The following MDGA2 variants were observed in gnomAD, a reference collection of about 807,000 sequenced individuals.
MDGA2 encodes MAM domain containing glycosylphosphatidylinositol anchor 2, also known as MAM domain-containing glycosylphosphatidylinositol anchor protein 2.
MDGA2 carries 40 observed loss-of-function variants against 117.8 expected under a neutral mutation model. That is an observed-to-expected ratio of 0.34 (90% CI 0.26 to 0.44). MDGA2 has a LOEUF of 0.44. Among genes scored for constraint, MDGA2 ranks in the 20% least tolerant of loss-of-function variants. The probability of loss-of-function intolerance (pLI) is 1.00; values close to 1 mark genes in which losing one functional copy is unlikely to be tolerated. For missense variants in MDGA2, 1,123 were observed against 1,250.6 expected, an observed-to-expected ratio of 0.90 and a Z score of 1.54; for synonymous variants, 452 against 439.0, an observed-to-expected ratio of 1.03 and a Z score of -0.37.
chr14:47,120,395 A>G (rs981306013), intron 5 of MDGA2, among the ~76,000 whole-genome samples: 1 of 152,220 alleles, frequency 6.6e-6, no homozygotes, highest in African/African-American at 2.4e-5. Context: ...TTGAAAATGC[A>G]ATCCATAAAT....
At chr14:47,021,114 C>CACA (rs1888270623) in intron 8 of MDGA2, among the ~76,000 whole-genome samples, 2 of 152,058 alleles carry the variant, frequency 1.3e-5, no homozygotes, top group Non-Finnish European at 2.9e-5. Context: ...GTCAATTTAT[C>CACA]AAGCATTGTG....
intron 14 of MDGA2, among the ~76,000 whole-genome samples, chr14:46,872,337 C>A (rs948838187): frequency 6.6e-6 from 1 of 151,810 alleles, no homozygotes; most frequent in Non-Finnish European, 1.5e-5. Flanking sequence ...ATTTTACTTC[C>A]TTATTACCAG....
chr14:47,214,783 A>G (rs1886023097), intron 3 of MDGA2, among the ~76,000 whole-genome samples: 1 of 152,090 alleles, frequency 6.6e-6, no homozygotes, highest in African/African-American at 2.4e-5. Context: ...AAAGGTAGAA[A>G]CTTGTAGAAC....
chr14:47,193,548 G>A (rs1397108081), intron 3 of MDGA2, among the ~76,000 whole-genome samples: 1 of 152,110 alleles, frequency 6.6e-6, no homozygotes, highest in Non-Finnish European at 1.5e-5. Flanking sequence ...ATGTATATAA[G>A]TTAAGATGGG....
intron 1 of MDGA2, among the ~76,000 whole-genome samples, chr14:47,537,555 A>G (rs1331902529): frequency 8.4e-6 from 1 of 118,784 alleles, no homozygotes; most frequent in Non-Finnish European, 1.6e-5. Context: ...GCTATTATCC[A>G]CTGTTACCTT....
intron 3 of MDGA2, among the ~76,000 whole-genome samples, chr14:47,200,126 T>C (rs1448362080): frequency 6.6e-6 from 1 of 152,026 alleles, no homozygotes; most frequent in Non-Finnish European, 1.5e-5. Context: ...ACTTGTATGT[T>C]GTATATATGT....
intron 1 of MDGA2, among the ~76,000 whole-genome samples, chr14:47,440,103 C>T (rs975408869): frequency 2.0e-5 from 3 of 152,068 alleles, no homozygotes; most frequent in Non-Finnish European, 4.4e-5. Context: ...CTGCTCCATC[C>T]ATACCTCTAG....
intron 2 of MDGA2, among the ~76,000 whole-genome samples, chr14:47,239,800 A>C (rs1886980099): frequency 6.6e-6 from 1 of 151,914 alleles, no homozygotes; most frequent in South Asian, 2.1e-4. Context: ...TTTCCTCCAC[A>C]TACACAAATG....
At chr14:47,452,152 T>C (rs1439214659) in intron 1 of MDGA2, among the ~76,000 whole-genome samples, 2 of 152,034 alleles carry the variant, frequency 1.3e-5, no homozygotes, top group South Asian at 2.1e-4. Flanking sequence ...CACACATGTA[T>C]AGGCAGGTCA....
At chr14:47,090,329 C>T (rs1181661694) in intron 6 of MDGA2, among the ~76,000 whole-genome samples, 1 of 151,784 alleles carries the variant, frequency 6.6e-6, no homozygotes, top group African/African-American at 2.4e-5. Flanking sequence ...AACTCTATTT[C>T]AATATTGACA....
At chr14:47,168,753 A>G (rs1333276528) in intron 3 of MDGA2, among the ~76,000 whole-genome samples, 1 of 151,988 alleles carries the variant, frequency 6.6e-6, no homozygotes, top group African/African-American at 2.4e-5. Context: ...AATTACATTT[A>G]TATGTTAAAT....
chr14:47,514,736 A>C (rs1894716573), intron 1 of MDGA2, among the ~76,000 whole-genome samples: 1 of 151,990 alleles, frequency 6.6e-6, no homozygotes, highest in Admixed American at 6.6e-5. Flanking sequence ...CCCTTATTTT[A>C]TCCCTCCTCT....
intron 3 of MDGA2, among the ~76,000 whole-genome samples, chr14:47,205,334 A>G (rs1885645848): frequency 6.6e-6 from 1 of 151,912 alleles, no homozygotes; most frequent in Non-Finnish European, 1.5e-5. Context: ...TTATGATCTT[A>G]TGTCTATTCT....
chr14:47,178,136 TA>T (rs142686847), intron 3 of MDGA2, among the ~76,000 whole-genome samples: 14 of 151,302 alleles, frequency 9.3e-5, no homozygotes, highest in South Asian at 6.3e-4. Flanking sequence ...TCCATTTTGA[TA>T]AAAAAAAAGT....
chr14:47,507,881 A>G (rs1894548764), intron 1 of MDGA2, among the ~76,000 whole-genome samples: 1 of 152,116 alleles, frequency 6.6e-6, no homozygotes, highest in Non-Finnish European at 1.5e-5. Flanking sequence ...GCAACACAGA[A>G]TCTGAGAACT....
chr14:47,036,595 A>G (rs555594286), intron 7 of MDGA2, among the ~76,000 whole-genome samples: 1 of 152,274 alleles, frequency 6.6e-6, no homozygotes, highest in Non-Finnish European at 1.5e-5. Flanking sequence ...ACGAATAACC[A>G]GAAACATGAA....
intron 2 of MDGA2, among the ~76,000 whole-genome samples, chr14:47,230,635 T>C (rs569657377): frequency 6.6e-6 from 1 of 152,018 alleles, no homozygotes; most frequent in African/African-American, 2.4e-5. Context: ...TGAACGACTT[T>C]TAGAAAAATA....
intron 1 of MDGA2, among the ~76,000 whole-genome samples, chr14:47,378,735 G>A (rs765310434): frequency 1.3e-5 from 2 of 152,124 alleles, no homozygotes; most frequent in African/African-American, 2.4e-5. Flanking sequence ...CCAAATCTAC[G>A]TCTGATTGGT....
intron 1 of MDGA2, among the ~76,000 whole-genome samples, chr14:47,471,280 G>A (rs1428422104): frequency 6.6e-6 from 1 of 151,434 alleles, no homozygotes; most frequent in Non-Finnish European, 1.5e-5. Context: ...ACAGACTCTG[G>A]ATGTTGTCAC....
Sources: gnomAD v4.1 joint callset for allele counts (sites outside exome capture counted in the v4.1 genomes callset) on GRCh38, gnomAD v4.1.1 for gene constraint, MANE v1.5 for transcripts, NCBI Gene and HGNC (gene_info 2026-07-23, HGNC 2026-07-21) for gene names.